CTNNA3: variants seen among roughly 807,000 people sequenced by gnomAD.
CTNNA3 encodes catenin alpha-3.
A neutral mutation model predicts 95.7 loss-of-function variants in CTNNA3; 76 were observed. The ratio of observed to expected loss-of-function variants is 0.79; its 90% CI spans 0.66 to 0.96. The LOEUF is 0.96. Among genes scored for constraint, CTNNA3 ranks in the 40% least tolerant of loss-of-function variants. The probability of loss-of-function intolerance (pLI) is 0.00; values close to 1 mark genes in which losing one functional copy is unlikely to be tolerated. For synonymous variants in CTNNA3, 431 were observed against 374.4 expected (o/e 1.15, Z -1.74); for missense variants, 1,191 against 1,089.8 (o/e 1.09, Z -1.31).
intron 14 of CTNNA3, among the ~76,000 whole-genome samples, chr10:66,101,386 A>AT (rs1188935649): frequency 2.0e-5 from 3 of 152,114 alleles, no homozygotes; most frequent in Non-Finnish European, 2.9e-5. Flanking sequence ...CTCAAAGAAC[A>AT]TTTTTTCTCC....
At chr10:66,027,595 C>G (rs2079368123) in intron 15 of CTNNA3, among the ~76,000 whole-genome samples, 1 of 152,084 alleles carries the variant, frequency 6.6e-6, no homozygotes. Context: ...TCTTGACCTC[C>G]CTAAGTCATC....
At chr10:66,096,066 T>C (rs1300682773) in intron 14 of CTNNA3, among the ~76,000 whole-genome samples, 1 of 152,200 alleles carries the variant, frequency 6.6e-6, no homozygotes, top group African/African-American at 2.4e-5. Flanking sequence ...ATGAAATGAC[T>C]ATCGTTGAAA....
At chr10:66,526,651 G>A (rs534145302) in intron 10 of CTNNA3, among the ~76,000 whole-genome samples, 1 of 152,192 alleles carries the variant, frequency 6.6e-6, no homozygotes, top group African/African-American at 2.4e-5. Flanking sequence ...ATCCTAATGG[G>A]TGTGAAGTGG....
intron 7 of CTNNA3, among the ~76,000 whole-genome samples, chr10:66,879,633 A>G (rs1174587480): frequency 1.3e-5 from 2 of 152,080 alleles, no homozygotes; most frequent in African/African-American, 4.8e-5. Context: ...TTAAGTAATG[A>G]TAAGAGTCAG....
intron 16 of CTNNA3, among the ~76,000 whole-genome samples, chr10:65,972,702 A>C (rs1469680544): frequency 6.6e-6 from 1 of 152,116 alleles, no homozygotes; most frequent in Non-Finnish European, 1.5e-5. Context: ...AGATGACACA[A>C]ACAAATGGAA....
chr10:66,293,856 G>A (rs543081226), intron 12 of CTNNA3, among the ~76,000 whole-genome samples: 7 of 151,844 alleles, frequency 4.6e-5, no homozygotes, highest in Admixed American at 2.0e-4. Flanking sequence ...TAGTAGAGAC[G>A]GGGTTTCAAC....
At chr10:66,017,837 T>C (rs1232084482) in intron 15 of CTNNA3, among the ~76,000 whole-genome samples, 2 of 152,136 alleles carry the variant, frequency 1.3e-5, no homozygotes, top group African/African-American at 4.8e-5. Context: ...TTAGGGTCTA[T>C]TAATGGGCTG....
At chr10:66,193,892 T>G (rs917537756) in intron 13 of CTNNA3, among the ~76,000 whole-genome samples, 13 of 152,112 alleles carry the variant, frequency 8.5e-5, no homozygotes, top group African/African-American at 3.1e-4. Context: ...CAAGGCTAAG[T>G]TTTTAAACTC....
chr10:65,953,225 G>A (rs1014502614), intron 17 of CTNNA3, among the ~76,000 whole-genome samples: 1 of 152,114 alleles, frequency 6.6e-6, no homozygotes, highest in African/African-American at 2.4e-5. Flanking sequence ...TGATGAGAAT[G>A]CCTTGAGGTA....
chr10:67,719,524 A>T (rs1226950297), intron 1 of CTNNA3, among the ~76,000 whole-genome samples: 1 of 152,146 alleles, frequency 6.6e-6, no homozygotes, highest in African/African-American at 2.4e-5. Context: ...GGTTTCAAAG[A>T]ACTTATTGAT....
chr10:67,562,124 C>T (rs987278500), intron 3 of CTNNA3, among the ~76,000 whole-genome samples: 1 of 152,150 alleles, frequency 6.6e-6, no homozygotes, highest in Non-Finnish European at 1.5e-5. Context: ...AGGGAATCCT[C>T]CCTAACTCAT....
chr10:66,731,343 A>C lies in CTNNA3; in HGVS notation c.1281+34921T>G, dbSNP rs142329858. 7.3e-4 allele frequency among the ~76,000 whole-genome samples: 111 copies of C among 152,322 alleles called. 2 individuals carry two copies. The East Asian group carries it at 0.02, about 27-fold the overall frequency. The stretch of plus-strand genomic sequence containing the variant: ...AGACAAGACATTTTGGCTTAGTTCA[A>C]TTAGCACATTTAAGTCAAAGCAAAC... On this transcript the variant is annotated intron_variant, in intron 9 of 17. Transcript: ENST00000433211.
intron 10 of CTNNA3, among the ~76,000 whole-genome samples, chr10:66,598,513 G>GA (rs1222518201): frequency 6.6e-6 from 1 of 151,866 alleles, no homozygotes; most frequent in Non-Finnish European, 1.5e-5. Flanking sequence ...TAGAAAACCA[G>GA]AAAAACTCCA....
At chr10:66,792,563 A>G (rs1841016708) in intron 7 of CTNNA3, among the ~76,000 whole-genome samples, 1 of 151,996 alleles carries the variant, frequency 6.6e-6, no homozygotes, top group African/African-American at 2.4e-5. Context: ...TCTAAATCCA[A>G]CACTGTTCAG....
chr10:66,587,774 C>A (rs1843410192), intron 10 of CTNNA3, among the ~76,000 whole-genome samples: 1 of 152,156 alleles, frequency 6.6e-6, no homozygotes, highest in Non-Finnish European at 1.5e-5. Flanking sequence ...TCCAGGTAGT[C>A]TGTACGTAGA....
chr10:66,382,219 C>A lies in CTNNA3; in HGVS notation c.1532-2867G>T, dbSNP rs1269475948. 2.0e-5 allele frequency among the ~76,000 whole-genome samples: 3 copies of A among 152,158 alleles called. No individual in the cohort carries two copies. The South Asian group carries it at 6.2e-4, about 31-fold the overall frequency. ...AGACTACCTGGAAAAACAGGGCACTCCCTGCCCAAATACTGCGCTTTTCCC... is the reference window on the plus strand; with the variant it reads ...AGACTACCTGGAAAAACAGGGCACTACCTGCCCAAATACTGCGCTTTTCCC... On this transcript the variant is annotated intron_variant, in intron 11 of 17. Coordinates refer to ENST00000433211, the MANE Select transcript of CTNNA3 (RefSeq NM_013266.4).
At chr10:67,118,023 G>A (rs140473326) in intron 7 of CTNNA3, among the ~76,000 whole-genome samples, 182 of 152,084 alleles carry the variant, frequency 1.2e-3, no homozygotes, top group African/African-American at 4.3e-3. Flanking sequence ...TGTGAAGTGG[G>A]TGGAATTACC....
chr10:66,436,605 C>T (rs1318952883), intron 11 of CTNNA3, among the ~76,000 whole-genome samples: 11 of 145,754 alleles, frequency 7.5e-5, no homozygotes, highest in African/African-American at 2.8e-4. Context: ...AGATAAGTCT[C>T]CTGAATACAG....
intron 7 of CTNNA3, among the ~76,000 whole-genome samples, chr10:66,860,352 C>G (rs1463063663): frequency 6.6e-6 from 1 of 152,002 alleles, no homozygotes; most frequent in Non-Finnish European, 1.5e-5. Flanking sequence ...GTAAAAACAT[C>G]GAAAAACCTA....
Sources: allele counts gnomAD v4.1 joint callset (sites outside exome capture counted in the v4.1 genomes callset), GRCh38; gene constraint gnomAD v4.1.1; transcripts MANE v1.5; gene names NCBI Gene and HGNC (gene_info 2026-07-23, HGNC 2026-07-21).